Variants in NALCN observed in about 807,000 individuals in gnomAD.
The protein encoded by NALCN is sodium leak channel, non-selective.
NALCN carries 111 observed loss-of-function variants against 225.3 expected under a neutral mutation model. The ratio of observed to expected loss-of-function variants is 0.49; its 90% confidence interval spans 0.42 to 0.58. The LOEUF (loss-of-function observed/expected upper bound fraction) is 0.58, where lower values mean the gene tolerates loss of function less well. Among genes scored for constraint, NALCN ranks in the 20% least tolerant of loss-of-function variants. The pLI is 0.00. For synonymous variants in NALCN, 764 were observed against 769.0 expected, an observed-to-expected ratio of 0.99 and a Z score of 0.11; for missense variants, 1,378 against 2,202.4, an observed-to-expected ratio of 0.63 and a Z score of 7.49.
intron 37 of NALCN, among the ~76,000 whole-genome samples, chr13:101,069,102 C>T (rs888078190): frequency 2.0e-5 from 3 of 152,190 alleles, no homozygotes; most frequent in Non-Finnish European, 2.9e-5. Flanking sequence ...GATATTCTTT[C>T]TGCCACCACC....
intron 15 of NALCN, among the ~76,000 whole-genome samples, chr13:101,150,853 A>G (rs1021120890): frequency 6.6e-6 from 1 of 152,208 alleles, no homozygotes. Flanking sequence ...AAGTGTTTTT[A>G]AGATCATGAT....
intron 6 of NALCN, among the ~76,000 whole-genome samples, chr13:101,375,753 G>T (rs544430581): frequency 6.6e-6 from 1 of 152,016 alleles, no homozygotes; most frequent in Admixed American, 6.6e-5. Flanking sequence ...TGAATATAAG[G>T]TATAAAATCA....
Position 101,292,958 on chromosome 13 carries a change from G to C in NALCN, c.800-592C>G, listed in dbSNP as rs1162707200. On this transcript the variant is annotated intron_variant, in intron 7 of 43. Transcript: ENST00000251127. This position sits in a 1 kb window ranked among gnomAD's most constrained non-coding sequence, Gnocchi z 4.3. Reference sequence around the variant, plus strand: ...TTCTGGGAGAATTACCTCATAGAAAGTACTTCTAGTAATGGAAAGAAAGGA... The same window carrying C: ...TTCTGGGAGAATTACCTCATAGAAACTACTTCTAGTAATGGAAAGAAAGGA... Among the ~76,000 whole-genome samples, 1 of 152,194 alleles carries C rather than the reference G, an allele frequency of 6.6e-6. No homozygotes were observed. The highest frequency in any genetic ancestry group is 2.4e-5 in the African/African-American group (1 of 41,444).
chr13:101,066,376 C>G (rs746153446), intron 39 of NALCN, among the ~76,000 whole-genome samples: 1 of 151,392 alleles, frequency 6.6e-6, no homozygotes, highest in Non-Finnish European at 1.5e-5. Context: ...AAACTATATA[C>G]AAGAGAATTA....
chr13:101,152,587 T>A (rs7982695), intron 15 of NALCN, among the ~76,000 whole-genome samples: 24,091 of 151,556 alleles, frequency 0.16, 2,174 homozygotes, highest in East Asian at 0.42. Flanking sequence ...AATGAATTAG[T>A]AAAAGAAAAA....
At chr13:101,322,605 G>C (rs947604476) in intron 7 of NALCN, among the ~76,000 whole-genome samples, 1 of 152,090 alleles carries the variant, frequency 6.6e-6, no homozygotes, top group Non-Finnish European at 1.5e-5. Context: ...CATATGTTTA[G>C]TTTCATCTCT....
At chr13:101,390,208 T>G (rs1429447530) in intron 3 of NALCN, among the ~76,000 whole-genome samples, 4 of 150,278 alleles carry the variant, frequency 2.7e-5, no homozygotes, top group Admixed American at 2.0e-4. Flanking sequence ...AAATAGAAGC[T>G]CCAAAAGAAT....
At chr13:101,060,436 G>C (rs2031802113) in intron 41 of NALCN, among the ~76,000 whole-genome samples, 1 of 143,328 alleles carries the variant, frequency 7.0e-6, no homozygotes, top group Non-Finnish European at 1.5e-5. Context: ...GCATGACTGT[G>C]GCTGGCTAAT....
intron 11 of NALCN, among the ~76,000 whole-genome samples, chr13:101,244,433 G>A (rs1417768661): frequency 6.6e-6 from 1 of 152,104 alleles, no homozygotes; most frequent in Non-Finnish European, 1.5e-5. Context: ...ACACTAAAAG[G>A]CACTAAAAGA....
intron 10 of NALCN, among the ~76,000 whole-genome samples, chr13:101,276,473 C>T (rs540611443): frequency 2.0e-5 from 3 of 152,310 alleles, no homozygotes; most frequent in Non-Finnish European, 4.4e-5. Context: ...CTGCTCCAAA[C>T]TTGTGGTCTT....
At position 101,095,599 on chromosome 13, in the gene NALCN, G is replaced by GT. The variant is rs1370586538; in HGVS notation, c.3243dup (p.Pro1082ThrfsTer16). 7 of 1,612,702 alleles carry GT rather than the reference G, an allele frequency of 4.3e-6. No homozygotes were observed. The highest frequency in any genetic ancestry group is 1.3e-5 in the African/African-American group (1 of 74,868). On this transcript the variant is annotated frameshift_variant, in exon 28 of 44. Coordinates refer to ENST00000251127, the MANE Select transcript of NALCN (RefSeq NM_052867.4). LOFTEE classifies it high-confidence loss of function. Reference sequence around the variant, plus strand: ...CAAACACGGGGCACCCAAAATCCAGGTTTTTTCTCTCCAGGCCTCAATTTT... The same window carrying GT: ...CAAACACGGGGCACCCAAAATCCAGGTTTTTTTCTCTCCAGGCCTCAATTTT...
chr13:101,383,086 T>G (rs2046893587), intron 3 of NALCN, among the ~76,000 whole-genome samples: 1 of 152,150 alleles, frequency 6.6e-6, no homozygotes, highest in South Asian at 2.1e-4. Context: ...TAAAAAATCT[T>G]TGGCTTTTTA....
At chr13:101,062,224 G>T in intron 40 of NALCN, 106 bp from the exon 41 acceptor site, 1 of 1,331,930 alleles carries the variant, frequency 7.5e-7, no homozygotes, top group Admixed American at 2.3e-5. Flanking sequence ...AATAAGTCTA[G>T]TGTTTTGACG....
intron 7 of NALCN, among the ~76,000 whole-genome samples, chr13:101,338,397 T>C (rs1054924152): frequency 2.6e-5 from 4 of 152,240 alleles, no homozygotes; most frequent in Non-Finnish European, 5.9e-5. Flanking sequence ...AAAAAATGCA[T>C]GATAGCGATT....
chr13:101,293,318 G>A (rs2043618290), intron 7 of NALCN, among the ~76,000 whole-genome samples: 2 of 152,138 alleles, frequency 1.3e-5, no homozygotes, highest in East Asian at 3.9e-4. Context: ...CTTAATTCCT[G>A]TAAATCACAG....
intron 40 of NALCN, among the ~76,000 whole-genome samples, chr13:101,065,029 C>T (rs1460462316): frequency 6.6e-6 from 1 of 152,204 alleles, no homozygotes; most frequent in Non-Finnish European, 1.5e-5. Context: ...CCAGCTTTGC[C>T]AGAGCCCTGT....
chr13:101,164,167 C>A (rs1383970077), intron 15 of NALCN, among the ~76,000 whole-genome samples: 2 of 152,174 alleles, frequency 1.3e-5, no homozygotes, highest in Non-Finnish European at 2.9e-5. Context: ...ATTTGAGGGA[C>A]AGAATTCCAC....
chr13:101,153,063 TTTAA>T (rs2037731765), intron 15 of NALCN, among the ~76,000 whole-genome samples: 1 of 152,160 alleles, frequency 6.6e-6, no homozygotes, highest in South Asian at 2.1e-4. Context: ...TTCTCTTTTT[TTTAA>T]TTTATAAAAC....
At chr13:101,261,224 G>A (rs1486321334) in intron 10 of NALCN, among the ~76,000 whole-genome samples, 3 of 152,138 alleles carry the variant, frequency 2.0e-5, no homozygotes, top group African/African-American at 7.2e-5. Context: ...TGGTCTATGT[G>A]TCTGTTTTTA....
Sources: gnomAD v4.1 joint callset for allele counts (sites outside exome capture counted in the v4.1 genomes callset) on GRCh38, gnomAD v4.1.1 for gene constraint, Gnocchi (gnomAD v3.1) non-coding constraint, MANE v1.5 for transcripts, NCBI Gene and HGNC (gene_info 2026-07-23, HGNC 2026-07-21) for gene names.